Variants in EHBP1 observed in about 807,000 individuals in gnomAD.
EHBP1 encodes EH domain binding protein 1.
Under a neutral mutation model 144.0 loss-of-function variants are expected in EHBP1, and 55 were observed. The ratio of observed to expected loss-of-function variants is 0.38; its 90% CI spans 0.31 to 0.48. The LOEUF (loss-of-function observed/expected upper bound fraction) is 0.48, where lower values mean the gene tolerates loss of function less well. Among genes scored for constraint, EHBP1 ranks in the 20% least tolerant of loss-of-function variants. The pLI, the probability that EHBP1 is intolerant of heterozygous loss-of-function variation, is 0.98. For missense variants in EHBP1, 1,200 were observed against 1,364.2 expected, an observed-to-expected ratio of 0.88 and a Z score of 1.90; for synonymous variants, 469 against 472.7, an observed-to-expected ratio of 0.99 and a Z score of 0.10.
intron 8 of EHBP1, 83 bp downstream of exon 8, chr2:62,859,374 A>C (rs2049325668): frequency 7.7e-7 from 1 of 1,294,010 alleles, no homozygotes; most frequent in African/African-American, 1.5e-5. Flanking sequence ...TTTTCTTCAG[A>C]GACTAACACA....
chr2:62,855,087 C>A (rs139947697), intron 7 of EHBP1, among the ~76,000 whole-genome samples: 1 of 152,312 alleles, frequency 6.6e-6, no homozygotes, highest in African/African-American at 2.4e-5. Flanking sequence ...CTTGCCCAAA[C>A]GGCGGCTGCA....
At chr2:62,810,893 A>C (rs2044944768) in intron 5 of EHBP1, among the ~76,000 whole-genome samples, 1 of 152,198 alleles carries the variant, frequency 6.6e-6, no homozygotes. Context: ...ATTCATATAA[A>C]CTTCCCTTAG....
intron 10 of EHBP1, among the ~76,000 whole-genome samples, chr2:62,927,210 G>A (rs910925882): frequency 6.6e-6 from 1 of 152,058 alleles, no homozygotes; most frequent in Non-Finnish European, 1.5e-5. Context: ...GGGAGGTGGT[G>A]GGGAGAGGAG....
chr2:62,754,755 G>A (rs1293122000), intron 3 of EHBP1, among the ~76,000 whole-genome samples: 1 of 152,228 alleles, frequency 6.6e-6, no homozygotes, highest in Non-Finnish European at 1.5e-5. Flanking sequence ...CTAGCAATGG[G>A]CAGGGCTCTG....
chr2:62,996,389 TAA>T (rs2059627363), intron 18 of EHBP1, among the ~76,000 whole-genome samples: 1 of 152,166 alleles, frequency 6.6e-6, no homozygotes, highest in Non-Finnish European at 1.5e-5. Flanking sequence ...CATTAACTTT[TAA>T]AATCTGGCAA....
intron 19 of EHBP1, among the ~76,000 whole-genome samples, chr2:63,020,745 C>T (rs1173843273): frequency 6.6e-6 from 1 of 151,210 alleles, no homozygotes; most frequent in Non-Finnish European, 1.5e-5. Flanking sequence ...GTAGCGCGAT[C>T]TCGGCTCACT....
intron 15 of EHBP1, 106 bp downstream of exon 15, chr2:62,979,441 G>C (rs1389740512): frequency 1.6e-5 from 20 of 1,213,916 alleles, no homozygotes; most frequent in Non-Finnish European, 2.1e-5. Context: ...AAAATATAAA[G>C]CTTCTAACCT....
intron 10 of EHBP1, among the ~76,000 whole-genome samples, chr2:62,927,820 C>T (rs1037763440): frequency 3.9e-5 from 6 of 152,120 alleles, no homozygotes; most frequent in Non-Finnish European, 8.8e-5. Flanking sequence ...CCCAAATGCA[C>T]ATGGGACATT....
intron 14 of EHBP1, among the ~76,000 whole-genome samples, chr2:62,956,280 C>CAGGAGCCCTTAAAATTT (rs1386570048): frequency 6.6e-6 from 1 of 152,082 alleles, no homozygotes; most frequent in East Asian, 1.9e-4. Flanking sequence ...TGTATAATAA[C>CAGGAGCCCTTAAAATTT]AGGAGCCCTT....
At chr2:62,759,996 A>G (rs2040637409) in intron 3 of EHBP1, among the ~76,000 whole-genome samples, 1 of 152,118 alleles carries the variant, frequency 6.6e-6, no homozygotes, top group Admixed American at 6.5e-5. Flanking sequence ...CCCTAGGTAT[A>G]TACGGGGGAT....
At chr2:62,914,569 A>G (rs894718888) in intron 10 of EHBP1, among the ~76,000 whole-genome samples, 2 of 152,076 alleles carry the variant, frequency 1.3e-5, no homozygotes, top group African/African-American at 4.8e-5. Context: ...CAAACCATCT[A>G]TATTTGCTGT....
At chr2:62,697,526 C>G (rs1280147729) in intron 1 of EHBP1, among the ~76,000 whole-genome samples, 1 of 152,166 alleles carries the variant, frequency 6.6e-6, no homozygotes, top group East Asian at 1.9e-4. Flanking sequence ...TTAAACAAAG[C>G]ACGGTCACCT....
At chr2:62,907,968 T>C (rs867937195) in intron 10 of EHBP1, among the ~76,000 whole-genome samples, 2 of 152,216 alleles carry the variant, frequency 1.3e-5, no homozygotes, top group Admixed American at 1.3e-4. Flanking sequence ...ATGCCTTCAG[T>C]TGTCACACGA....
At chr2:62,803,127 C>T (rs1304401998) in intron 5 of EHBP1, among the ~76,000 whole-genome samples, 1 of 151,778 alleles carries the variant, frequency 6.6e-6, no homozygotes, top group Non-Finnish European at 1.5e-5. Context: ...GATGGATGTA[C>T]TGTAATGATT....
Position 62,953,458 on chromosome 2 carries a change from A to C in EHBP1, c.2317-2059A>C, listed in dbSNP as rs373297367. On this transcript the variant is annotated intron_variant, in intron 13 of 22. Coordinates refer to ENST00000431489, the MANE Select transcript of EHBP1 (RefSeq NM_001142616.3). ...CAGTACTTTGGGAGGCTGAGGTAAG[A>C]GGATCGCTTGGGCCTGAGAGGTCAA... Among the ~76,000 whole-genome samples the C allele has an allele frequency of 2.2e-4, 34 of 152,050 alleles. No individual in the cohort carries two copies. In the East Asian group the frequency reaches 6.6e-3, roughly 29 times the overall value.
At chr2:62,702,682 A>C (rs930490576), upstream of EHBP1, among the ~76,000 whole-genome samples, 1 of 152,218 alleles carries the variant, frequency 6.6e-6, no homozygotes, top group Admixed American at 6.5e-5. Context: ...TGTACTCTTT[A>C]AGACTCTTTA....
At chr2:62,717,846 A>G (rs1428285745) in intron 2 of EHBP1, among the ~76,000 whole-genome samples, 1 of 152,180 alleles carries the variant, frequency 6.6e-6, no homozygotes, top group Non-Finnish European at 1.5e-5. Flanking sequence ...TAGGGATATA[A>G]ATAGAATGAT....
intron 14 of EHBP1, among the ~76,000 whole-genome samples, chr2:62,971,772 C>A (rs1041643858): frequency 6.6e-6 from 1 of 152,242 alleles, no homozygotes; most frequent in East Asian, 1.9e-4. Flanking sequence ...AGTATTTACT[C>A]AAAAATTTGT....
chr2:62,913,448 T>C (rs932067970), intron 10 of EHBP1, among the ~76,000 whole-genome samples: 11 of 152,230 alleles, frequency 7.2e-5, no homozygotes, highest in African/African-American at 2.7e-4. Flanking sequence ...AAGGGACTGC[T>C]GCTTAATGTT....
Sources: allele counts gnomAD v4.1 joint callset (sites outside exome capture counted in the v4.1 genomes callset), GRCh38; gene constraint gnomAD v4.1.1; transcripts MANE v1.5; gene names NCBI Gene and HGNC (gene_info 2026-07-23, HGNC 2026-07-21).